ARFGAP2: variants seen among roughly 807,000 people sequenced by gnomAD.
The protein encoded by ARFGAP2 is ADP-ribosylation factor GTPase-activating protein 2.
A neutral mutation model predicts 71.9 loss-of-function variants in ARFGAP2; 45 were observed. The observed-to-expected ratio is 0.63, with a 90% CI of 0.49 to 0.80. ARFGAP2 has a LOEUF of 0.80. Among genes scored for constraint, ARFGAP2 ranks in the 30% least tolerant of loss-of-function variants. ARFGAP2 has a pLI of 0.00. For synonymous variants in ARFGAP2, 248 were observed against 249.2 expected, an observed-to-expected ratio of 1.00 and a Z score of 0.05; for missense variants, 633 against 673.9, an observed-to-expected ratio of 0.94 and a Z score of 0.67.
rs1477491266 is a variant in ARFGAP2 at position 47,165,406 on chromosome 11, G to A, written c.*76C>T. On this transcript the variant is annotated 3_prime_UTR_variant, in exon 16 of 16. Coordinates refer to ENST00000524782, the MANE Select transcript of ARFGAP2 (RefSeq NM_032389.6). Reference sequence around the variant, plus strand: ...ACAAATCCTCCCCAGCTTCCACAAGGCAAAGCATCCCCAGCCTGGGAACTG... The same window carrying A: ...ACAAATCCTCCCCAGCTTCCACAAGACAAAGCATCCCCAGCCTGGGAACTG... The A allele has an allele frequency of 2.6e-6, 4 of 1,518,024 alleles. No homozygotes were observed. The highest frequency in any genetic ancestry group is 2.2e-5 in the Admixed American group (1 of 45,774). The allele number at this position is 1,518,024 out of a possible 1,614,324, so 94.0% of individuals were successfully genotyped here. A position where few individuals can be genotyped will look rare whatever the true frequency, so the allele number is the denominator to read the frequency against.
intron 7 of ARFGAP2, 69 bp from the exon 8 acceptor site, chr11:47,172,402 A>C (rs1952641426): frequency 1.3e-6 from 2 of 1,530,570 alleles, no homozygotes; most frequent in East Asian, 4.5e-5. Context: ...AGTATACACC[A>C]TGCAGCTTCA....
rs1831954935 is a variant in ARFGAP2, at chr11:47,164,376, C to T, written c.*1106G>A. 1.7e-6 allele frequency: 2 copies of T among 1,150,612 alleles called. No homozygotes were observed. The highest frequency in any genetic ancestry group is 2.4e-6 in the Non-Finnish European group (2 of 842,712). 71.3% of individuals were successfully genotyped at this position (1,150,612 alleles called of 1,614,324 possible). On this transcript the variant is annotated 3_prime_UTR_variant, in exon 16 of 16. Coordinates refer to ENST00000524782, the MANE Select transcript of ARFGAP2 (RefSeq NM_032389.6). Reference sequence around the variant, plus strand: ...CCACTTTGTTTCAATACAAACAGTCCAGAAAGAAAGTCAAGTCCCTCTGGG... The same window carrying T: ...CCACTTTGTTTCAATACAAACAGTCTAGAAAGAAAGTCAAGTCCCTCTGGG...
chr11:47,165,176 A>C lies in ARFGAP2; in HGVS notation c.*306T>G, dbSNP rs1590940506. 2.7e-6 allele frequency: 1 copy of C among 370,918 alleles called. No homozygotes were observed. The highest frequency in any genetic ancestry group is 4.8e-6 in the Non-Finnish European group (1 of 208,020). 23.0% of individuals were successfully genotyped at this position (370,918 alleles called of 1,614,324 possible). A position where few individuals can be genotyped will look rare whatever the true frequency, so the allele number is the denominator to read the frequency against. ...ACCCAGAATAAGCCATCGTGGGGGA[A>C]CCCCCTTTCCCAGTATGGCAGGATA... On this transcript the variant is annotated 3_prime_UTR_variant, in exon 16 of 16. Transcript: ENST00000524782.
In ARFGAP2 at chr11:47,173,778, T is replaced by C; in HGVS notation, c.543A>G (p.Thr181=). The part of the protein sequence containing the change: ...PSGTQQPAPS[T]ESSGLAQPEH... ...ACTCACGTGCCAGGCCACTGCTCTCTGTAGACGGGGCTGGCTGCTGGGTCC... is the reference window on the plus strand; with the variant it reads ...ACTCACGTGCCAGGCCACTGCTCTCCGTAGACGGGGCTGGCTGCTGGGTCC... The change falls in exon 6 of 16, where the codon ACA becomes ACG. Residue 181 remains threonine, a synonymous_variant. Transcript: ENST00000524782. The C allele has an allele frequency of 1.9e-6, 3 of 1,604,514 alleles. No homozygotes were observed. The highest frequency in any genetic ancestry group is 2.3e-5 in the East Asian group (1 of 44,438).
rs377653037 is a variant in ARFGAP2 at position 47,165,520 on chromosome 11, GAAAAA to G, written c.1546-23_1546-19del. On this transcript the variant is annotated intron_variant, in intron 15 of 15. Coordinates refer to ENST00000524782, the MANE Select transcript of ARFGAP2 (RefSeq NM_032389.6). ...TAGCGATCCTGGGGGCGAGGGGGGA[GAAAAA>G]AAAAAAAAAAGTCAGAGGCTCTAAG... 39 of 1,403,978 alleles carry G rather than the reference GAAAAA, an allele frequency of 2.8e-5. No homozygotes were observed. The highest frequency in any genetic ancestry group is 2.1e-4 in the Middle Eastern group (1 of 4,770). 87.0% of individuals were successfully genotyped at this position (1,403,978 alleles called of 1,614,324 possible). A position where few individuals can be genotyped will look rare whatever the true frequency, so the allele number is the denominator to read the frequency against.
chr11:47,174,747 G>A (rs981397802), intron 5 of ARFGAP2: 11 of 404,048 alleles, frequency 2.7e-5, no homozygotes, highest in African/African-American at 8.1e-5. Flanking sequence ...TTGGGGCACC[G>A]GACACCTCTT....
Position 47,176,034 on chromosome 11 carries a change from A to C in ARFGAP2, c.192-111T>G. On this transcript the variant is annotated intron_variant, in intron 2 of 15. Coordinates refer to ENST00000524782, the MANE Select transcript of ARFGAP2 (RefSeq NM_032389.6). ...CTGCTGTAGGCACCCAGGAAACATT[A>C]ATCAGCCATCACCCCATTTCCTCCA... The C allele has an allele frequency of 5.8e-6, 6 of 1,038,918 alleles. No individual in the cohort carries two copies. The South Asian group carries it at 6.8e-5, about 12-fold the overall frequency. The allele number at this position is 1,038,918 out of a possible 1,614,324, so 64.4% of individuals were successfully genotyped here.
At chr11:47,171,924 G>T in intron 8 of ARFGAP2, 124 bp from the exon 9 acceptor site, 1 of 1,389,312 alleles carries the variant, frequency 7.2e-7, no homozygotes, top group Non-Finnish European at 9.7e-7. Flanking sequence ...TAAAAAACAG[G>T]AGCCCAACCA....
intron 5 of ARFGAP2, 66 bp from the exon 6 acceptor site, chr11:47,173,906 C>T (rs1025553223): frequency 1.3e-6 from 2 of 1,549,116 alleles, no homozygotes; most frequent in Non-Finnish European, 1.7e-6. Context: ...GCACCAAGAC[C>T]TACAAGCACC....
chr11:47,171,490 G>A lies in ARFGAP2; in HGVS notation c.877C>T (p.Gln293Ter). Residue 293 changes from glutamine to a stop codon, truncating the protein, a stop_gained, in exon 10 of 16, where the codon CAG becomes TAG. Transcript: ENST00000524782. LOFTEE classifies it high-confidence loss of function. ...IDRKKEEKKL[Q>*]NLEGKKREQA... Reference sequence around the variant, plus strand: ...TCTCGCTTCTTCCCTTCCAGATTCTGTAGCTTCTTTTCCTCTTTCTTACGA... The same window carrying A: ...TCTCGCTTCTTCCCTTCCAGATTCTATAGCTTCTTTTCCTCTTTCTTACGA... 1.2e-6 allele frequency: 2 copies of A among 1,614,196 alleles called. No homozygotes were observed. Among genetic ancestry groups the A allele is most frequent in the Non-Finnish European group, 1.7e-6 (2 of 1,180,044 alleles).
At chr11:47,166,435 C>T (rs1353921214) in intron 14 of ARFGAP2, 49 bp from the exon 15 acceptor site, 10 of 1,610,792 alleles carry the variant, frequency 6.2e-6, no homozygotes, top group Non-Finnish European at 8.5e-6. Flanking sequence ...AAGCCCTTCC[C>T]AGTCACAGCA....
chr11:47,167,687 A>G (rs1273794635), intron 12 of ARFGAP2, among the ~76,000 whole-genome samples: 1 of 152,206 alleles, frequency 6.6e-6, no homozygotes, highest in Non-Finnish European at 1.5e-5. Context: ...GTGGCTATTT[A>G]CGTTTATCAG....
At chr11:47,176,469 C>A in intron 2 of ARFGAP2, 47 bp downstream of exon 2, 1 of 1,568,600 alleles carries the variant, frequency 6.4e-7, no homozygotes, top group Non-Finnish European at 8.8e-7. Context: ...TGCCCAGACA[C>A]CCCTGGCCGG....
chr11:47,173,970 C>A, intron 5 of ARFGAP2, 130 bp from the exon 6 acceptor site: 9 of 1,493,818 alleles, frequency 6.0e-6, no homozygotes, highest in Non-Finnish European at 8.1e-6. Flanking sequence ...TGGAGGGTAG[C>A]AAACAAGATC....
In ARFGAP2 at chr11:47,168,117, C is replaced by G. The variant is rs745925827; in HGVS notation, c.1070+6G>C. On this transcript the variant is annotated splice_donor_region_variant and intron_variant, in intron 11 of 15. Coordinates refer to ENST00000524782, the MANE Select transcript of ARFGAP2 (RefSeq NM_032389.6). Reference sequence around the variant, plus strand: ...AGCCAAGTTTACAGCTAGAAAACAGCCTTACTTTGGGGGTCCAGAGGCGAA... The same window carrying G: ...AGCCAAGTTTACAGCTAGAAAACAGGCTTACTTTGGGGGTCCAGAGGCGAA... 2.5e-6 allele frequency: 4 copies of G among 1,614,176 alleles called. No individual in the cohort carries two copies. In the Admixed American group the frequency reaches 6.7e-5, roughly 27 times the overall value.
At chr11:47,171,374 G>C (rs1952592219) in intron 10 of ARFGAP2, 52 bp downstream of exon 10, 1 of 1,606,816 alleles carries the variant, frequency 6.2e-7, no homozygotes, top group Admixed American at 1.7e-5. Flanking sequence ...GCCCCGCAAT[G>C]GTTCCCAGAA....
chr11:47,166,847 G>A lies in ARFGAP2; in HGVS notation c.1245C>T (p.Gly415=), dbSNP rs1286835361. Residue 415 remains glycine (G), a synonymous_variant, in exon 13 of 16, where the codon GGC becomes GGT. Coordinates refer to ENST00000524782, the MANE Select transcript of ARFGAP2 (RefSeq NM_032389.6). The stretch of plus-strand genomic sequence containing the variant: ...TCTGACGCGCCTCACTAGACTCGAG[G>A]CCTGAGCTCCGGCTCTCCACTTCCC... ...NRREVESRSS[G]LESSEARQKF... 2 of 1,613,716 alleles carry A rather than the reference G, an allele frequency of 1.2e-6. No individual in the cohort carries two copies. Among genetic ancestry groups the A allele is most frequent in the Non-Finnish European group, 8.5e-7 (1 of 1,180,026 alleles).
intron 7 of ARFGAP2, chr11:47,173,205 C>T: frequency 5.0e-6 from 3 of 599,986 alleles, no homozygotes; most frequent in Non-Finnish European, 8.9e-6. Context: ...AGACCCCAGG[C>T]CTTATACACC....
chr11:47,165,417 C>T lies in ARFGAP2; in HGVS notation c.*65G>A, dbSNP rs112665142. ...CCAGCTTCCACAAGGCAAAGCATCCCCAGCCTGGGAACTGTGGAGTTCTTG... is the reference window on the plus strand; with the variant it reads ...CCAGCTTCCACAAGGCAAAGCATCCTCAGCCTGGGAACTGTGGAGTTCTTG... On this transcript the variant is annotated 3_prime_UTR_variant, in exon 16 of 16. Coordinates refer to ENST00000524782, the MANE Select transcript of ARFGAP2 (RefSeq NM_032389.6). 1,921 of 1,535,008 alleles carry T rather than the reference C, an allele frequency of 1.3e-3. 12 individuals carry two copies. In the African/African-American group the frequency reaches 0.016, roughly 13 times the overall value.
Sources: allele counts gnomAD v4.1 joint callset (sites outside exome capture counted in the v4.1 genomes callset), GRCh38; gene constraint gnomAD v4.1.1; transcripts MANE v1.5; gene names NCBI Gene and HGNC (gene_info 2026-07-23, HGNC 2026-07-21).